KAZN: variants seen among roughly 807,000 people sequenced by gnomAD.
KAZN encodes the protein kazrin.
In KAZN, 40 loss-of-function variants were observed where a neutral mutation model predicts 87.4. The observed-to-expected ratio is 0.46, with a 90% CI of 0.36 to 0.60. KAZN has a LOEUF of 0.60. Ranked by LOEUF, KAZN falls within the 20% of genes least tolerant of loss-of-function variation. KAZN has a pLI of 0.00. For missense variants in KAZN, 898 were observed against 1,073.9 expected (o/e 0.84, Z 2.29); for synonymous variants, 466 against 458.3 (o/e 1.02, Z -0.22).
chr1:14,508,832 G>C (rs1670752372), intron 2 of KAZN, among the ~76,000 whole-genome samples: 1 of 152,208 alleles, frequency 6.6e-6, no homozygotes, highest in African/African-American at 2.4e-5. Flanking sequence ...AGTGGATCCA[G>C]CCTGGAGGAT....
intron 2 of KAZN, among the ~76,000 whole-genome samples, chr1:14,479,531 G>A (rs556367825): frequency 1.3e-5 from 2 of 152,246 alleles, no homozygotes; most frequent in South Asian, 2.1e-4. Context: ...CCTCCACCAC[G>A]TTGCCTATGC....
At chr1:14,206,081 A>G (rs1306217253) in intron 2 of KAZN, among the ~76,000 whole-genome samples, 1 of 152,110 alleles carries the variant, frequency 6.6e-6, no homozygotes, top group Non-Finnish European at 1.5e-5. Flanking sequence ...TGGGCAATGT[A>G]TATTCCTACC....
chr1:14,592,459 G>A (rs1676259571), intron 2 of KAZN, among the ~76,000 whole-genome samples: 1 of 152,212 alleles, frequency 6.6e-6, no homozygotes, highest in African/African-American at 2.4e-5. Context: ...GCAGCTTGTT[G>A]TAAATGCAGA....
At chr1:14,543,089 C>T (rs138215735) in intron 2 of KAZN, among the ~76,000 whole-genome samples, 6 of 152,218 alleles carry the variant, frequency 3.9e-5, no homozygotes, top group Admixed American at 1.3e-4. Context: ...GCTGGGTCAC[C>T]GTGGACATAT....
chr1:14,023,157 A>G (rs749444286), intron 1 of KAZN, among the ~76,000 whole-genome samples: 7 of 151,910 alleles, frequency 4.6e-5, no homozygotes, highest in African/African-American at 1.7e-4. Flanking sequence ...CTACAAAGTA[A>G]TAATAATAAT....
chr1:14,964,364 T>C (rs1199902496), intron 2 of KAZN, among the ~76,000 whole-genome samples: 1 of 152,162 alleles, frequency 6.6e-6, no homozygotes, highest in Non-Finnish European at 1.5e-5. Context: ...GTGCCAATAC[T>C]GAGATCTGCT....
At chr1:14,417,714 G>A (rs928912212) in intron 2 of KAZN, among the ~76,000 whole-genome samples, 7 of 152,130 alleles carry the variant, frequency 4.6e-5, no homozygotes, top group Middle Eastern at 6.8e-3. Context: ...AACCTACATC[G>A]GGCCGGGTGT....
chr1:14,507,821 G>A (rs1482849075), intron 2 of KAZN, among the ~76,000 whole-genome samples: 1 of 151,986 alleles, frequency 6.6e-6, no homozygotes, highest in Non-Finnish European at 1.5e-5. Context: ...AAAAAAATTA[G>A]TCGGGCACGG....
chr1:15,078,837 T>A (rs1166981171), intron 8 of KAZN, among the ~76,000 whole-genome samples: 1 of 152,154 alleles, frequency 6.6e-6, no homozygotes, highest in East Asian at 1.9e-4. Flanking sequence ...CATTCTCCTA[T>A]AGGTGTCTAA....
intron 1 of KAZN, among the ~76,000 whole-genome samples, chr1:14,745,195 T>G (rs1423145300): frequency 6.7e-6 from 1 of 148,586 alleles, no homozygotes; most frequent in African/African-American, 2.5e-5. Flanking sequence ...CCTGGGAGTA[T>G]ACAGCGCCAA....
At chr1:15,051,417 C>T (rs999062917) in intron 4 of KAZN, among the ~76,000 whole-genome samples, 12 of 152,218 alleles carry the variant, frequency 7.9e-5, no homozygotes, top group Admixed American at 3.9e-4. Flanking sequence ...GCTCAGGGAG[C>T]GCATAAGTAA....
At chr1:13,963,511 C>T (rs1570400888) in intron 1 of KAZN, among the ~76,000 whole-genome samples, 1 of 152,124 alleles carries the variant, frequency 6.6e-6, no homozygotes, top group Non-Finnish European at 1.5e-5. Flanking sequence ...ATCTTCTATA[C>T]ACTGGGCATT....
chr1:14,455,918 G>A (rs1667543428), intron 2 of KAZN, among the ~76,000 whole-genome samples: 1 of 152,212 alleles, frequency 6.6e-6, no homozygotes, highest in Non-Finnish European at 1.5e-5. Context: ...CTTAGAGATA[G>A]CACTCAGTGA....
At chr1:14,980,970 A>G (rs1259001854) in intron 2 of KAZN, among the ~76,000 whole-genome samples, 1 of 152,144 alleles carries the variant, frequency 6.6e-6, no homozygotes, top group Admixed American at 6.5e-5. Context: ...AAGGCGGCGT[A>G]ACCAGGCAAC....
At chr1:13,950,663 C>T (rs1327065817) in intron 1 of KAZN, among the ~76,000 whole-genome samples, 1 of 152,160 alleles carries the variant, frequency 6.6e-6, no homozygotes, top group Non-Finnish European at 1.5e-5. Context: ...CAGGCCTGAG[C>T]AGACCAGGAG....
chr1:14,479,363 C>T (rs1217592730), intron 2 of KAZN, among the ~76,000 whole-genome samples: 2 of 152,190 alleles, frequency 1.3e-5, no homozygotes, highest in Non-Finnish European at 2.9e-5. Flanking sequence ...TTCGCCATGG[C>T]CAAAACTCCC....
chr1:14,736,023 G>A (rs1212148278), intron 1 of KAZN, among the ~76,000 whole-genome samples: 2 of 152,134 alleles, frequency 1.3e-5, no homozygotes, highest in Non-Finnish European at 2.9e-5. Flanking sequence ...CTAGAGATAA[G>A]ACAGGCCGTC....
intron 1 of KAZN, among the ~76,000 whole-genome samples, chr1:13,960,271 C>T (rs190678762): frequency 6.6e-6 from 1 of 152,292 alleles, no homozygotes; most frequent in East Asian, 1.9e-4. Flanking sequence ...CTATCATTAT[C>T]CCATTTTGTA....
intron 2 of KAZN, among the ~76,000 whole-genome samples, chr1:14,994,124 G>A (rs1667639636): frequency 6.6e-6 from 1 of 152,254 alleles, no homozygotes; most frequent in African/African-American, 2.4e-5. Flanking sequence ...GCCATCCTCA[G>A]AAGGGGAGCC....
Sources: allele counts gnomAD v4.1 joint callset (sites outside exome capture counted in the v4.1 genomes callset), GRCh38; gene constraint gnomAD v4.1.1; transcripts MANE v1.5; gene names NCBI Gene and HGNC (gene_info 2026-07-23, HGNC 2026-07-21).